The following ADGRB3 variants were observed in gnomAD, a reference collection of about 807,000 sequenced individuals.
The protein encoded by ADGRB3 is adhesion G protein-coupled receptor B3, also known as brain-specific angiogenesis inhibitor 3.
Under a neutral mutation model 193.4 loss-of-function variants are expected in ADGRB3, and 37 were observed. That is an observed-to-expected ratio of 0.19 (90% CI 0.15 to 0.25). The LOEUF is 0.25. ADGRB3 is among the 10% of genes least tolerant of loss of function. ADGRB3 has a pLI of 1.00. For synonymous variants in ADGRB3, 690 were observed against 644.2 expected (o/e 1.07, Z -1.08); for missense variants, 1,637 against 1,852.9 (o/e 0.88, Z 2.14).
chr6:69,340,284 G>GTTGT (rs763788506), intron 26 of ADGRB3, among the ~76,000 whole-genome samples: 10 of 152,164 alleles, frequency 6.6e-5, no homozygotes, highest in Non-Finnish European at 1.3e-4. Flanking sequence ...GAAATAAAAT[G>GTTGT]TTGTTTTCCA....
At chr6:69,370,043 G>A (rs1435656845) in intron 29 of ADGRB3, among the ~76,000 whole-genome samples, 1 of 152,034 alleles carries the variant, frequency 6.6e-6, no homozygotes, top group African/African-American at 2.4e-5. Context: ...CTGTATTACT[G>A]AGAAGACAGC....
chr6:69,032,871 A>G (rs533868201), intron 13 of ADGRB3, among the ~76,000 whole-genome samples: 2 of 152,226 alleles, frequency 1.3e-5, no homozygotes, highest in African/African-American at 2.4e-5. Context: ...TCTGGAAGTT[A>G]TCTCTCCTGT....
intron 20 of ADGRB3, among the ~76,000 whole-genome samples, chr6:69,296,593 G>C (rs1407269): frequency 0.14 from 21,790 of 152,048 alleles, 1,884 homozygotes; most frequent in African/African-American, 0.23. Context: ...AAATTACTCC[G>C]TATAAAGTGA....
chr6:69,072,165 G>C (rs1035415710), intron 16 of ADGRB3, among the ~76,000 whole-genome samples: 2 of 151,854 alleles, frequency 1.3e-5, no homozygotes, highest in East Asian at 1.9e-4. Flanking sequence ...TCAAATGTTC[G>C]AACTATTGAC....
At chr6:69,194,985 G>C (rs1335299634) in intron 17 of ADGRB3, among the ~76,000 whole-genome samples, 1 of 152,126 alleles carries the variant, frequency 6.6e-6, no homozygotes, top group Non-Finnish European at 1.5e-5. Context: ...CATATGGCTA[G>C]AGATGGGTGT....
intron 3 of ADGRB3, among the ~76,000 whole-genome samples, chr6:68,829,091 C>CCTT (rs1767903918): frequency 1.1e-5 from 1 of 94,656 alleles, no homozygotes; most frequent in African/African-American, 4.0e-5. Context: ...GTTTAAGTAA[C>CCTT]TTTTTTTTTT....
At chr6:69,135,717 G>GT (rs1774131873) in intron 17 of ADGRB3, among the ~76,000 whole-genome samples, 1 of 151,980 alleles carries the variant, frequency 6.6e-6, no homozygotes, top group South Asian at 2.1e-4. Context: ...AGCAACTTAT[G>GT]TTTTTTGACT....
rs71852236 is a variant in ADGRB3, at chr6:68,721,627, A to AATATATATAT, written c.757+82215_757+82224dup. On this transcript the variant is annotated intron_variant, in intron 3 of 31. Coordinates refer to ENST00000370598, the MANE Select transcript of ADGRB3 (RefSeq NM_001704.3). ...GTACCCTAGAACTTAAAGTATAATA[A>AATATATATAT]ATATATATATATATATATATATATA... Among the ~76,000 whole-genome samples, 565 of 140,178 alleles carry AATATATATAT rather than the reference A, an allele frequency of 4.0e-3. 3 individuals are homozygous for AATATATATAT. Among genetic ancestry groups the AATATATATAT allele is most frequent in the African/African-American group, 0.013 (480 of 38,070 alleles). The allele number at this position is 140,178 out of a possible 152,430, so 92.0% of individuals were successfully genotyped here. A position where few individuals can be genotyped will look rare whatever the true frequency, so the allele number is the denominator to read the frequency against.
intron 3 of ADGRB3, among the ~76,000 whole-genome samples, chr6:68,886,739 A>G (rs1765918810): frequency 6.6e-6 from 1 of 152,058 alleles, no homozygotes; most frequent in Admixed American, 6.6e-5. Flanking sequence ...GTTTTACCAC[A>G]TATCCTCTCA....
chr6:69,283,549 T>C (rs1440549642), intron 20 of ADGRB3, among the ~76,000 whole-genome samples: 1 of 152,098 alleles, frequency 6.6e-6, no homozygotes, highest in African/African-American at 2.4e-5. Context: ...TGTATTCAAA[T>C]TGTGACAGCG....
intron 6 of ADGRB3, 111 bp downstream of exon 6, chr6:68,944,105 G>C: frequency 8.3e-7 from 1 of 1,209,996 alleles, no homozygotes. Context: ...GTTGGGAAAT[G>C]TGTCCTTTTC....
In ADGRB3 at chr6:68,974,759, G is replaced by T; in HGVS notation, c.1526-4G>T. On this transcript the variant is annotated splice_polypyrimidine_tract_variant and splice_region_variant and intron_variant, in intron 8 of 31. Coordinates refer to ENST00000370598, the MANE Select transcript of ADGRB3 (RefSeq NM_001704.3). ...CATTCAAGTCCCTTTGTTTAAAATT[G>T]CAGCACCTTATGAAATATGCCCTGA... The T allele has an allele frequency of 6.2e-7, 1 of 1,613,024 alleles. No individual in the cohort carries two copies. The highest frequency in any genetic ancestry group is 1.7e-5 in the Admixed American group (1 of 59,888).
At chr6:68,995,387 A>G (rs1769356628) in intron 11 of ADGRB3, among the ~76,000 whole-genome samples, 1 of 152,122 alleles carries the variant, frequency 6.6e-6, no homozygotes, top group East Asian at 1.9e-4. Flanking sequence ...ATAATCTCTA[A>G]CTCTCAAAAG....
At chr6:68,844,137 C>G (rs1768225405) in intron 3 of ADGRB3, among the ~76,000 whole-genome samples, 1 of 151,964 alleles carries the variant, frequency 6.6e-6, no homozygotes, top group African/African-American at 2.4e-5. Context: ...TAATACCCCA[C>G]AAGTAGAGGC....
chr6:68,797,628 C>G (rs185217280), intron 3 of ADGRB3, among the ~76,000 whole-genome samples: 1 of 152,288 alleles, frequency 6.6e-6, no homozygotes, highest in East Asian at 1.9e-4. Context: ...ATTTAAGGAG[C>G]TAAATCACTG....
At position 68,936,519 on chromosome 6, in the gene ADGRB3, G is replaced by A. The variant is rs1193832023; in HGVS notation, c.869G>A (p.Gly290Asp). 1 of 1,613,510 alleles carries A rather than the reference G, an allele frequency of 6.2e-7. No individual in the cohort carries two copies. Among genetic ancestry groups the A allele is most frequent in the Non-Finnish European group, 8.5e-7 (1 of 1,179,802 alleles). ...TGTTTATTTGTTGTCTTGCACGCAGGTGAATCTGGTGTGGAAGAGTGGTCC... is the reference window on the plus strand; with the variant it reads ...TGTTTATTTGTTGTCTTGCACGCAGATGAATCTGGTGTGGAAGAGTGGTCC... The part of the protein sequence containing the change: ...ADAAKFMAQT[G>D]ESGVEEWSQW... Residue 290 changes from glycine (G) to aspartate (D), a missense_variant and splice_region_variant, in exon 5 of 32, where the codon GGT becomes GAT. By Grantham distance (94) the Gly-to-Asp change is moderately conservative. This residue lies in a region of ADGRB3 where 365 missense variants were observed against 409.8 expected (regional missense o/e 0.89). Coordinates refer to ENST00000370598, the MANE Select transcript of ADGRB3 (RefSeq NM_001704.3).
intron 3 of ADGRB3, among the ~76,000 whole-genome samples, chr6:68,729,204 A>G (rs1158300796): frequency 6.6e-6 from 1 of 151,608 alleles, no homozygotes; most frequent in African/African-American, 2.4e-5. Flanking sequence ...GTGTGCTTAG[A>G]TGGTAGAGCT....
At chr6:68,950,626 C>A (rs532191968) in intron 6 of ADGRB3, among the ~76,000 whole-genome samples, 1 of 152,212 alleles carries the variant, frequency 6.6e-6, no homozygotes, top group East Asian at 1.9e-4. Flanking sequence ...AATGATCAAC[C>A]CTTTACCTAT....
At chr6:68,954,831 C>T (rs1167909742) in intron 6 of ADGRB3, among the ~76,000 whole-genome samples, 1 of 151,978 alleles carries the variant, frequency 6.6e-6, no homozygotes, top group African/African-American at 2.4e-5. Context: ...CAGGCGCCCG[C>T]CACCATACCC....
Sources: allele counts gnomAD v4.1 joint callset (sites outside exome capture counted in the v4.1 genomes callset), GRCh38; gene constraint gnomAD v4.1.1; regional missense constraint gnomAD v4.1.1; transcripts MANE v1.5; gene names NCBI Gene and HGNC (gene_info 2026-07-23, HGNC 2026-07-21).